Variants in RIN3 observed in about 807,000 individuals in gnomAD.
The protein encoded by RIN3 is RAB5 interacting protein 3.
RIN3 carries 54 observed loss-of-function variants against 76.3 expected under a neutral mutation model. The observed-to-expected ratio is 0.71, with a 90% confidence interval of 0.57 to 0.89. The LOEUF (loss-of-function observed/expected upper bound fraction) is 0.89. Among genes scored for constraint, RIN3 ranks in the 40% least tolerant of loss-of-function variants. The pLI is 0.00. For synonymous variants in RIN3, 576 were observed against 564.0 expected (o/e 1.02, Z -0.30); for missense variants, 1,256 against 1,322.1 (o/e 0.95, Z 0.78).
chr14:92,587,862 T>C (rs560879539), intron 3 of RIN3, among the ~76,000 whole-genome samples: 1 of 152,138 alleles, frequency 6.6e-6, no homozygotes, highest in South Asian at 2.1e-4. Flanking sequence ...GACTGGGTAA[T>C]TTATAAAGAA....
At chr14:92,647,607 G>T (rs77366689) in intron 5 of RIN3, among the ~76,000 whole-genome samples, 6,951 of 152,274 alleles carry the variant, frequency 0.046, 230 homozygotes, top group South Asian at 0.067. Context: ...GACTTTGACT[G>T]ACTGTGTAAC....
chr14:92,616,827 C>G (rs1463758546), intron 4 of RIN3, among the ~76,000 whole-genome samples: 1 of 152,098 alleles, frequency 6.6e-6, no homozygotes, highest in Admixed American at 6.5e-5. Context: ...GGGGTGGATA[C>G]CTATGCTGTC....
intron 4 of RIN3, among the ~76,000 whole-genome samples, chr14:92,639,339 C>T (rs1037059613): frequency 2.6e-5 from 4 of 152,092 alleles, no homozygotes; most frequent in Middle Eastern, 3.2e-3. Flanking sequence ...AGAAGGTGGA[C>T]GAAGTGTGAG....
chr14:92,561,151 A>ATG (rs1251260454), intron 2 of RIN3, among the ~76,000 whole-genome samples: 1 of 39,028 alleles, frequency 2.6e-5, no homozygotes, highest in Non-Finnish European at 5.3e-5. Context: ...ATATTTTTAT[A>ATG]TATATATTTA....
intron 6 of RIN3, among the ~76,000 whole-genome samples, chr14:92,653,888 C>T (rs1247515479): frequency 9.9e-5 from 15 of 152,040 alleles, no homozygotes; most frequent in African/African-American, 1.5e-4. Context: ...CATGGAGGCA[C>T]GCACCTGTAG....
chr14:92,545,255 A>G (rs548402345), intron 1 of RIN3, among the ~76,000 whole-genome samples: 2 of 151,750 alleles, frequency 1.3e-5, no homozygotes, highest in East Asian at 1.9e-4. Context: ...GACTACAGGC[A>G]CCTGCCACCA....
chr14:92,659,009 CAT>C, intron 6 of RIN3, 150 bp from the exon 7 acceptor site: 1 of 729,846 alleles, frequency 1.4e-6, no homozygotes, highest in Non-Finnish European at 2.3e-6. Context: ...TGTGCTCTCT[CAT>C]GTGTCAGAAC....
chr14:92,670,371 G>A lies in RIN3; in HGVS notation c.2336-6104G>A, dbSNP rs529091043. ...GGCATTTGAATGCACAGCCAAATGG[G>A]CGTGATCTCTGGTCCACCCAAGACA... On this transcript the variant is annotated intron_variant, in intron 7 of 9. Coordinates refer to ENST00000216487, the MANE Select transcript of RIN3 (RefSeq NM_024832.5). 3.9e-4 allele frequency among the ~76,000 whole-genome samples: 59 copies of A among 152,302 alleles called. 2 individuals are homozygous for A. In the South Asian group the frequency reaches 0.011, roughly 29 times the overall value.
At position 92,576,358 on chromosome 14, in the gene RIN3, A is replaced by C. The variant is rs1256892301; in HGVS notation, c.250-1002A>C. 9 of 1,289,860 alleles carry C rather than the reference A, an allele frequency of 7.0e-6. No individual in the cohort carries two copies. The South Asian group carries it at 9.9e-5, about 14-fold the overall frequency. 79.9% of individuals were successfully genotyped at this position (1,289,860 alleles called of 1,614,324 possible). A position where few individuals can be genotyped will look rare whatever the true frequency, so the allele number is the denominator to read the frequency against. On this transcript the variant is annotated intron_variant, in intron 2 of 9. Transcript: ENST00000216487. ...GAAGGAGAAGCGAGTGTCCGTCAACATGCTGGCTCTGGGTGAGACCTCGGT... is the reference window on the plus strand; with the variant it reads ...GAAGGAGAAGCGAGTGTCCGTCAACCTGCTGGCTCTGGGTGAGACCTCGGT...
chr14:92,515,377 A>G (rs1357608591), intron 1 of RIN3: 2 of 590,636 alleles, frequency 3.4e-6, no homozygotes, highest in Non-Finnish European at 6.0e-6. Context: ...CGCTGGCCTC[A>G]CCGGCTTCTC....
rs558025893 is a variant in RIN3, at chr14:92,554,850, G to A, written c.45-901G>A. On this transcript the variant is annotated intron_variant, in intron 1 of 9. Transcript: ENST00000216487. Reference sequence around the variant, plus strand: ...AAGCAGGAGAATTGCTTGAACCCAGGAGGCGGAGGCTGCAGTAAGCTGAGA... The same window carrying A: ...AAGCAGGAGAATTGCTTGAACCCAGAAGGCGGAGGCTGCAGTAAGCTGAGA... Among the ~76,000 whole-genome samples, 3 of 152,320 alleles carry A rather than the reference G, an allele frequency of 2.0e-5. No individual in the cohort carries two copies. The South Asian group carries it at 6.2e-4, about 32-fold the overall frequency.
Position 92,536,919 on chromosome 14 carries a change from C to A in RIN3, c.45-18832C>A, listed in dbSNP as rs78413864. On this transcript the variant is annotated intron_variant, in intron 1 of 9. Coordinates refer to ENST00000216487, the MANE Select transcript of RIN3 (RefSeq NM_024832.5). ...AAATTGGTTCATGTATGTTAACCAG[C>A]AACAGCAATGCATGGCACACAGTAA... 3.2e-3 allele frequency among the ~76,000 whole-genome samples: 488 copies of A among 152,132 alleles called. 3 individuals carry two copies. Among genetic ancestry groups the A allele is most frequent in the African/African-American group, 0.011 (469 of 41,496 alleles).
chr14:92,579,382 C>T (rs914953228), intron 3 of RIN3, among the ~76,000 whole-genome samples: 4 of 152,220 alleles, frequency 2.6e-5, no homozygotes, highest in African/African-American at 9.6e-5. Context: ...GTTAGTTCAG[C>T]CTATGCCCAG....
intron 6 of RIN3, among the ~76,000 whole-genome samples, chr14:92,658,411 G>T (rs1887751701): frequency 6.6e-6 from 1 of 152,364 alleles, no homozygotes; most frequent in South Asian, 2.1e-4. Flanking sequence ...AAAGCAATGA[G>T]TGAGAGGTCA....
chr14:92,549,751 T>TG (rs1156328841), intron 1 of RIN3, among the ~76,000 whole-genome samples: 1 of 152,230 alleles, frequency 6.6e-6, no homozygotes, highest in East Asian at 1.9e-4. Context: ...CAGGGCGTTC[T>TG]GGGTGGGTGT....
intron 2 of RIN3, among the ~76,000 whole-genome samples, chr14:92,561,747 C>T (rs377593814): frequency 8.1e-4 from 124 of 152,278 alleles, no homozygotes; most frequent in Middle Eastern, 3.4e-3. Flanking sequence ...TGCAGTGGCG[C>T]GATCATGGCT....
At chr14:92,569,908 G>A (rs1432698559) in intron 2 of RIN3, among the ~76,000 whole-genome samples, 1 of 152,202 alleles carries the variant, frequency 6.6e-6, no homozygotes, top group Admixed American at 6.5e-5. Context: ...CTTACTATAG[G>A]CAAGGGTCTT....
At chr14:92,680,477 G>T (rs1386554693) in intron 8 of RIN3, among the ~76,000 whole-genome samples, 1 of 152,160 alleles carries the variant, frequency 6.6e-6, no homozygotes, top group Non-Finnish European at 1.5e-5. Context: ...TAGGATTACA[G>T]GTGTGAGCCA....
chr14:92,652,023 A>T lies in RIN3; in HGVS notation c.974A>T (p.His325Leu). ...PPVPAPHVTP[H>L]APGPPDHPNQ... ...GTGCCTGCCCCCCACGTCACACCCC[A>T]TGCCCCAGGTCCCCCAGACCATCCG... Residue 325 changes from histidine (H) to leucine (L), a missense_variant, in exon 6 of 10, where the codon CAT becomes CTT. Around this residue, in one of 3 missense-constraint regions of RIN3, gnomAD observed 610 missense variants for 626.4 expected, o/e 0.97. Coordinates refer to ENST00000216487, the MANE Select transcript of RIN3 (RefSeq NM_024832.5). The surrounding 1 kb of genome is among the most constrained non-coding windows in gnomAD (Gnocchi z 6.4). The T allele has an allele frequency of 9.6e-7, 1 of 1,041,832 alleles. No homozygotes were observed. The highest frequency in any genetic ancestry group is 1.8e-5 in the South Asian group (1 of 56,270). 64.5% of individuals were successfully genotyped at this position (1,041,832 alleles called of 1,614,324 possible).
Sources: allele counts gnomAD v4.1 joint callset (sites outside exome capture counted in the v4.1 genomes callset), GRCh38; gene constraint gnomAD v4.1.1; regional missense constraint gnomAD v4.1.1; non-coding constraint Gnocchi (gnomAD v3.1); transcripts MANE v1.5; gene names NCBI Gene and HGNC (gene_info 2026-07-23, HGNC 2026-07-21).